SEC24D: variants seen among roughly 807,000 people sequenced by gnomAD.
The protein encoded by SEC24D is SEC24 homolog D, COPII component.
In SEC24D, 69 loss-of-function variants were observed where a neutral mutation model predicts 116.9. That is an observed-to-expected ratio of 0.59 (90% CI 0.49 to 0.72). SEC24D has a LOEUF of 0.72. Among genes scored for constraint, SEC24D ranks in the 30% least tolerant of loss-of-function variants. The probability of loss-of-function intolerance (pLI) is 0.00; values close to 1 mark genes in which losing one functional copy is unlikely to be tolerated. For missense variants in SEC24D, 1,131 were observed against 1,264.1 expected, an observed-to-expected ratio of 0.89 and a Z score of 1.60; for synonymous variants, 405 against 442.8, an observed-to-expected ratio of 0.91 and a Z score of 1.07.
At chr4:118,809,204 C>A (rs943841270) in intron 6 of SEC24D, among the ~76,000 whole-genome samples, 12 of 152,034 alleles carry the variant, frequency 7.9e-5, no homozygotes, top group African/African-American at 2.7e-4. Context: ...GATCTCCTGA[C>A]CTCGTGATCC....
At chr4:118,725,312 G>A (rs1413225374) in intron 22 of SEC24D, among the ~76,000 whole-genome samples, 1 of 152,132 alleles carries the variant, frequency 6.6e-6, no homozygotes. Context: ...AACCCTTAAT[G>A]AGATTTCTCC....
chr4:118,751,941 T>C (rs1427448960), intron 13 of SEC24D, 55 bp downstream of exon 13: 10 of 1,192,772 alleles, frequency 8.4e-6, no homozygotes, highest in Non-Finnish European at 1.1e-5. Flanking sequence ...TCTTATTTTT[T>C]GTCTCTCTGT....
chr4:118,829,583 C>A (rs545447629), intron 2 of SEC24D, among the ~76,000 whole-genome samples: 1 of 152,062 alleles, frequency 6.6e-6, no homozygotes, highest in African/African-American at 2.4e-5. Context: ...GAGGCCGAGG[C>A]GGGTGGATTA....
At chr4:118,765,267 T>A (rs1308368399) in intron 9 of SEC24D, among the ~76,000 whole-genome samples, 56 of 152,252 alleles carry the variant, frequency 3.7e-4, no homozygotes, top group Admixed American at 3.7e-3. Flanking sequence ...ACTATTTGAA[T>A]TTTTAATATA....
chr4:118,736,396 G>C (rs1356918402), intron 19 of SEC24D: 2 of 159,690 alleles, frequency 1.3e-5, no homozygotes, highest in Admixed American at 1.3e-4. Flanking sequence ...CTGCAGCCTA[G>C]TTTTGGCTCC....
intron 8 of SEC24D, among the ~76,000 whole-genome samples, chr4:118,779,491 T>C (rs1029063322): frequency 1.3e-5 from 2 of 152,238 alleles, no homozygotes; most frequent in African/African-American, 4.8e-5. Context: ...GATGTGCTGT[T>C]GGATTCGGTT....
At chr4:118,785,100 G>C (rs986150198) in intron 8 of SEC24D, among the ~76,000 whole-genome samples, 1 of 151,958 alleles carries the variant, frequency 6.6e-6, no homozygotes, top group African/African-American at 2.4e-5. Flanking sequence ...CAAGATCCTC[G>C]CCTTAGTTTG....
chr4:118,788,147 A>G (rs1293666377), intron 8 of SEC24D, among the ~76,000 whole-genome samples: 1 of 152,172 alleles, frequency 6.6e-6, no homozygotes, highest in Admixed American at 6.5e-5. Flanking sequence ...GAATAATATA[A>G]TACACTCCAG....
At position 118,757,574 on chromosome 4, in the gene SEC24D, A is replaced by C; in HGVS notation, c.1421+147T>G. 7.8e-6 allele frequency: 5 copies of C among 637,234 alleles called. No individual in the cohort carries two copies. In the South Asian group the frequency reaches 1.1e-4, roughly 14 times the overall value. 39.5% of individuals were successfully genotyped at this position (637,234 alleles called of 1,614,324 possible). A position where few individuals can be genotyped will look rare whatever the true frequency, so the allele number is the denominator to read the frequency against. ...ATCACTCTAACTTTCTAAGGACTCA[A>C]AACAATGATGCTGTTTGATTTATGA... On this transcript the variant is annotated intron_variant, in intron 11 of 22. Coordinates refer to ENST00000280551, the MANE Select transcript of SEC24D (RefSeq NM_014822.4).
chr4:118,745,813 C>T (rs981663713), intron 13 of SEC24D, among the ~76,000 whole-genome samples: 2 of 152,164 alleles, frequency 1.3e-5, no homozygotes, highest in African/African-American at 4.8e-5. Flanking sequence ...CCATACTGCA[C>T]ACTGCTCCAG....
chr4:118,753,788 A>C (rs1726950484), intron 11 of SEC24D, among the ~76,000 whole-genome samples: 2 of 152,170 alleles, frequency 1.3e-5, no homozygotes, highest in Non-Finnish European at 2.9e-5. Context: ...TCAATGGAGA[A>C]TATTACATAG....
intron 6 of SEC24D, among the ~76,000 whole-genome samples, chr4:118,814,585 T>TA (rs1170335936): frequency 2.6e-5 from 4 of 152,258 alleles, no homozygotes; most frequent in Middle Eastern, 6.8e-3. Flanking sequence ...AACTTTACAT[T>TA]AAAAAAAATT....
chr4:118,760,874 ATT>A (rs35735465), intron 10 of SEC24D, among the ~76,000 whole-genome samples: 4 of 148,444 alleles, frequency 2.7e-5, no homozygotes, highest in Admixed American at 2.0e-4. Context: ...ATGCCAGCTA[ATT>A]TTTTTTTTTT....
At position 118,820,222 on chromosome 4, in the gene SEC24D, C is replaced by CTTGT. The variant is rs1290237089; in HGVS notation, c.249-2811_249-2810insACAA. On this transcript the variant is annotated intron_variant, in intron 3 of 22. Coordinates refer to ENST00000280551, the MANE Select transcript of SEC24D (RefSeq NM_014822.4). ...TGAGACGGAGTTTCGCTCTTGTCGC[C>CTTGT]CAGGCTGGAGTAAAATGGCAAGATC... Among the ~76,000 whole-genome samples the CTTGT allele has an allele frequency of 2.7e-5, 4 of 149,770 alleles. No individual in the cohort carries two copies. In the East Asian group the frequency reaches 7.8e-4, roughly 29 times the overall value.
At chr4:118,801,125 G>A (rs1424489545) in intron 7 of SEC24D, among the ~76,000 whole-genome samples, 2 of 152,132 alleles carry the variant, frequency 1.3e-5, no homozygotes, top group African/African-American at 4.8e-5. Flanking sequence ...AGCCGGGCAT[G>A]GTGGCGGGCA....
intron 13 of SEC24D, among the ~76,000 whole-genome samples, chr4:118,748,907 C>A (rs1726681541): frequency 6.6e-6 from 1 of 152,074 alleles, no homozygotes; most frequent in African/African-American, 2.4e-5. Context: ...TGATGCATTC[C>A]CCTGCAATCA....
At chr4:118,754,879 C>G (rs1231579403) in intron 11 of SEC24D, among the ~76,000 whole-genome samples, 1 of 152,110 alleles carries the variant, frequency 6.6e-6, no homozygotes, top group Non-Finnish European at 1.5e-5. Context: ...CCCAGCAAAT[C>G]ACAAAGGGCT....
intron 9 of SEC24D, 122 bp from the exon 10 acceptor site, chr4:118,765,039 T>G: frequency 1.6e-6 from 1 of 625,848 alleles, no homozygotes; most frequent in Non-Finnish European, 2.8e-6. Flanking sequence ...ATTTTAAAGC[T>G]GGAATGTAGT....
chr4:118,814,990 T>C (rs1191504029), intron 6 of SEC24D, 38 bp downstream of exon 6: 5 of 1,603,976 alleles, frequency 3.1e-6, no homozygotes, highest in African/African-American at 1.3e-5. Flanking sequence ...TTAATGCTCC[T>C]TTGTGAGTGA....
Sources: allele counts gnomAD v4.1 joint callset (sites outside exome capture counted in the v4.1 genomes callset), GRCh38; gene constraint gnomAD v4.1.1; transcripts MANE v1.5; gene names NCBI Gene and HGNC (gene_info 2026-07-23, HGNC 2026-07-21).